GYPC: variants seen among roughly 807,000 people sequenced by gnomAD.
GYPC encodes the protein glycophorin C (Gerbich blood group), also known as glycophorin-C.
GYPC carries 14 observed loss-of-function variants against 12.6 expected under a neutral mutation model. The observed-to-expected ratio is 1.11, with a 90% CI of 0.74 to 1.74. The LOEUF (loss-of-function observed/expected upper bound fraction) is 1.74. Among genes scored for constraint, GYPC ranks in the 40% most tolerant of loss-of-function variants. GYPC has a pLI of 0.00. For synonymous variants in GYPC, 78 were observed against 62.1 expected, an observed-to-expected ratio of 1.26 and a Z score of -1.20; for missense variants, 225 against 172.1, an observed-to-expected ratio of 1.31 and a Z score of -1.72.
At position 126,686,599 on chromosome 2, in the gene GYPC, T is replaced by C. The variant is rs189460639; in HGVS notation, c.50-3656T>C. On this transcript the variant is annotated intron_variant, in intron 1 of 3. Coordinates refer to ENST00000259254, the MANE Select transcript of GYPC (RefSeq NM_002101.5). ...CAGGCACCCAGTCTAATGCTGAGTA[T>C]AGAGTTGTGAGCAAGACAAGCCTGA... 3,972 of 980,186 alleles carry C rather than the reference T, an allele frequency of 4.1e-3. 16 individuals are homozygous for C. The highest frequency in any genetic ancestry group is 4.5e-3 in the Non-Finnish European group (3,740 of 825,166). 60.7% of individuals were successfully genotyped at this position (980,186 alleles called of 1,614,324 possible). A position where few individuals can be genotyped will look rare whatever the true frequency, so the allele number is the denominator to read the frequency against.
At chr2:126,687,750 G>C (rs918042348) in intron 1 of GYPC, among the ~76,000 whole-genome samples, 12 of 152,224 alleles carry the variant, frequency 7.9e-5, no homozygotes, top group Non-Finnish European at 1.3e-4. Flanking sequence ...CTCCCAATGA[G>C]GCCCCGAAGC....
chr2:126,694,165 C>G (rs1219945814), intron 3 of GYPC, among the ~76,000 whole-genome samples: 1 of 152,048 alleles, frequency 6.6e-6, no homozygotes, highest in Non-Finnish European at 1.5e-5. Context: ...ATTTATTGGC[C>G]TTTCTCAGGG....
In GYPC at chr2:126,696,576, G is replaced by A. The variant is rs935644167; in HGVS notation, c.*434G>A. On this transcript the variant is annotated 3_prime_UTR_variant, in exon 4 of 4. Coordinates refer to ENST00000259254, the MANE Select transcript of GYPC (RefSeq NM_002101.5). ...CATCAAATGTCAGTCCTTGACATTT[G>A]GGGGGAACAGCAGGTGCCAGAGCTA... is the stretch of plus-strand genomic sequence containing the variant. 1 of 269,814 alleles carries A rather than the reference G, an allele frequency of 3.7e-6. No homozygotes were observed. The allele number at this position is 269,814 out of a possible 1,614,324, so 16.7% of individuals were successfully genotyped here.
intron 1 of GYPC, among the ~76,000 whole-genome samples, chr2:126,660,431 A>G (rs1682504237): frequency 6.6e-6 from 1 of 152,090 alleles, no homozygotes; most frequent in African/African-American, 2.4e-5. Context: ...CAGGCCCCTC[A>G]ACACGCCGCG....
At chr2:126,691,069 C>T (rs1273405431) in intron 2 of GYPC, among the ~76,000 whole-genome samples, 2 of 151,928 alleles carry the variant, frequency 1.3e-5, no homozygotes, top group African/African-American at 2.4e-5. Context: ...ATATTATTAA[C>T]ATTATGCAGA....
chr2:126,692,175 G>A (rs1326602590), intron 2 of GYPC, among the ~76,000 whole-genome samples: 1 of 152,052 alleles, frequency 6.6e-6, no homozygotes, highest in Non-Finnish European at 1.5e-5. Context: ...GTGAATGCTG[G>A]ATCCTATACC....
chr2:126,690,024 C>G (rs1045189281), intron 1 of GYPC, among the ~76,000 whole-genome samples: 9 of 152,314 alleles, frequency 5.9e-5, no homozygotes, highest in Middle Eastern at 6.8e-3. Flanking sequence ...CCTGGAGTGA[C>G]CTGGTGGTTC....
intron 1 of GYPC, among the ~76,000 whole-genome samples, chr2:126,663,525 C>T (rs569703740): frequency 4.1e-4 from 63 of 152,336 alleles, no homozygotes; most frequent in Non-Finnish European, 7.5e-4. Context: ...GGCACCAGCC[C>T]CTCAACCACT....
intron 1 of GYPC, among the ~76,000 whole-genome samples, chr2:126,662,609 T>C (rs112036666): frequency 6.6e-6 from 1 of 152,208 alleles, no homozygotes; most frequent in Non-Finnish European, 1.5e-5. Context: ...CTAGGTTTAA[T>C]GCTCTGTCAC....
At chr2:126,675,782 G>A (rs911080512) in intron 1 of GYPC, 73 of 522,724 alleles carry the variant, frequency 1.4e-4, no homozygotes, top group Middle Eastern at 9.4e-4. Context: ...GATATTCACC[G>A]TAGTAGTGAT....
At chr2:126,664,709 T>C (rs1682630651) in intron 1 of GYPC, among the ~76,000 whole-genome samples, 1 of 152,238 alleles carries the variant, frequency 6.6e-6, no homozygotes, top group Admixed American at 6.5e-5. Flanking sequence ...GCTCAGCCCA[T>C]TGGAGGTTGA....
intron 1 of GYPC, among the ~76,000 whole-genome samples, chr2:126,679,408 A>G (rs1452173893): frequency 6.6e-6 from 1 of 152,220 alleles, no homozygotes; most frequent in Non-Finnish European, 1.5e-5. Flanking sequence ...AGCGACTTAG[A>G]GAATCTTAGG....
At chr2:126,677,519 CTG>C (rs1329254597) in intron 1 of GYPC, among the ~76,000 whole-genome samples, 195 of 74,976 alleles carry the variant, frequency 2.6e-3, no homozygotes, top group African/African-American at 8.5e-3. Flanking sequence ...GTGTGTGAGT[CTG>C]TGTGTGTGTG....
chr2:126,656,296 G>GTGGCC lies in GYPC; in HGVS notation c.35_39dup (p.Leu14GlyfsTer45), dbSNP rs759687290. ...CGACGAGAAGCCCCAACAGCACGGC[G>GTGGCC]TGGCCTCTCAGCCTCGGTGAGTACC... On this transcript the variant is annotated frameshift_variant, in exon 1 of 4. Transcript: ENST00000259254. LOFTEE classifies it high-confidence loss of function. The GTGGCC allele has an allele frequency of 5.7e-5, 91 of 1,598,418 alleles. No individual in the cohort carries two copies. The highest frequency in any genetic ancestry group is 7.6e-5 in the Non-Finnish European group (89 of 1,174,168).
chr2:126,690,426 G>A lies in GYPC; in HGVS notation c.106+115G>A, dbSNP rs774520045. On this transcript the variant is annotated intron_variant, in intron 2 of 3. Transcript: ENST00000259254. ...TGGGGGACTTGGTGAAAACATCCAG[G>A]GGAGAACTGACCTAAGGACTTGGAC... 28 of 809,784 alleles carry A rather than the reference G, an allele frequency of 3.5e-5. 1 individual carries two copies. The highest frequency in any genetic ancestry group is 2.3e-4 in the Admixed American group (12 of 51,724). 50.2% of individuals were successfully genotyped at this position (809,784 alleles called of 1,614,324 possible).
chr2:126,665,419 G>C (rs913938820), intron 1 of GYPC, among the ~76,000 whole-genome samples: 1 of 152,212 alleles, frequency 6.6e-6, no homozygotes, highest in African/African-American at 2.4e-5. Flanking sequence ...GTAAGGTTCA[G>C]TCGTATCTCT....
chr2:126,685,091 T>C (rs1195825904), intron 1 of GYPC, among the ~76,000 whole-genome samples: 1 of 152,194 alleles, frequency 6.6e-6, no homozygotes, highest in Non-Finnish European at 1.5e-5. Context: ...ACACTGCGTC[T>C]TTTCCGGAAG....
intron 1 of GYPC, chr2:126,686,077 G>A (rs913902705): frequency 1.0e-6 from 1 of 985,210 alleles, no homozygotes; most frequent in Non-Finnish European, 1.2e-6. Flanking sequence ...ATAGGAGATG[G>A]GCCGGGAAAT....
At chr2:126,686,524 T>A in intron 1 of GYPC, 1 of 985,456 alleles carries the variant, frequency 1.0e-6, no homozygotes, top group Non-Finnish European at 1.2e-6. Flanking sequence ...TTTAGTTGGT[T>A]CGTGGTTCCC....
Sources: allele counts gnomAD v4.1 joint callset (sites outside exome capture counted in the v4.1 genomes callset), GRCh38; gene constraint gnomAD v4.1.1; transcripts MANE v1.5; gene names NCBI Gene and HGNC (gene_info 2026-07-23, HGNC 2026-07-21).